The following LRFN5 variants were observed in gnomAD, a reference collection of about 807,000 sequenced individuals.
LRFN5 encodes leucine-rich repeat and fibronectin type-III domain-containing protein 5.
A neutral mutation model predicts 45.6 loss-of-function variants in LRFN5; 24 were observed. The observed-to-expected ratio is 0.53, with a 90% CI of 0.38 to 0.74. LRFN5 has a LOEUF of 0.74. Among genes scored for constraint, LRFN5 ranks in the 30% least tolerant of loss-of-function variants. The probability of loss-of-function intolerance (pLI) is 0.00; values close to 1 mark genes in which losing one functional copy is unlikely to be tolerated. For missense variants in LRFN5, 776 were observed against 861.5 expected, an observed-to-expected ratio of 0.90 and a Z score of 1.24; for synonymous variants, 340 against 313.8, an observed-to-expected ratio of 1.08 and a Z score of -0.88.
chr14:41,749,317 A>G (rs892692991), intron 1 of LRFN5, among the ~76,000 whole-genome samples: 7 of 152,336 alleles, frequency 4.6e-5, no homozygotes, highest in Non-Finnish European at 8.8e-5. Flanking sequence ...GTATTAATGC[A>G]TGCCAGAGGT....
intron 2 of LRFN5, among the ~76,000 whole-genome samples, chr14:41,839,814 G>A (rs1198889889): frequency 2.0e-5 from 3 of 152,056 alleles, no homozygotes; most frequent in Non-Finnish European, 4.4e-5. Context: ...CCTGGCTTTA[G>A]CTAATTCAAT....
chr14:41,710,944 C>CT (rs1277764409), intron 1 of LRFN5, among the ~76,000 whole-genome samples: 1 of 152,068 alleles, frequency 6.6e-6, no homozygotes, highest in Admixed American at 6.6e-5. Flanking sequence ...ATGAACTCAT[C>CT]TTTTTTTATG....
intron 1 of LRFN5, among the ~76,000 whole-genome samples, chr14:41,642,263 G>C (rs554535505): frequency 8.5e-5 from 13 of 152,058 alleles, no homozygotes; most frequent in Non-Finnish European, 1.6e-4. Flanking sequence ...AGTACAATCT[G>C]GCTAGTGCAC....
intron 1 of LRFN5, among the ~76,000 whole-genome samples, chr14:41,677,404 C>G (rs750078523): frequency 1.3e-5 from 2 of 151,966 alleles, no homozygotes; most frequent in African/African-American, 4.8e-5. Context: ...GCAGTAGAAA[C>G]TTCCTCTGAA....
At chr14:41,617,412 A>G (rs1176024881) in intron 1 of LRFN5, among the ~76,000 whole-genome samples, 2 of 152,144 alleles carry the variant, frequency 1.3e-5, no homozygotes, top group Non-Finnish European at 2.9e-5. Context: ...TTTTGGTTCT[A>G]AAGAGGATGC....
chr14:41,789,130 A>G (rs1297326208), intron 2 of LRFN5, among the ~76,000 whole-genome samples: 1 of 152,018 alleles, frequency 6.6e-6, no homozygotes, highest in Admixed American at 6.6e-5. Context: ...CATTTAATTT[A>G]TAGCTCATAT....
intron 1 of LRFN5, among the ~76,000 whole-genome samples, chr14:41,721,384 T>G (rs895858826): frequency 1.3e-5 from 2 of 152,164 alleles, no homozygotes; most frequent in Admixed American, 1.3e-4. Flanking sequence ...AGGTTAATAT[T>G]GATATGTGAG....
At chr14:41,651,643 A>G (rs1005629986) in intron 1 of LRFN5, among the ~76,000 whole-genome samples, 3 of 152,190 alleles carry the variant, frequency 2.0e-5, no homozygotes, top group African/African-American at 7.2e-5. Context: ...ACTAATGTGA[A>G]TCTTAACACT....
chr14:41,813,944 G>A (rs565875521), intron 2 of LRFN5, among the ~76,000 whole-genome samples: 2 of 152,180 alleles, frequency 1.3e-5, no homozygotes, highest in South Asian at 2.1e-4. Flanking sequence ...ATATTTGCTG[G>A]CCACATAAAT....
intron 4 of LRFN5, chr14:41,892,613 C>G (rs1479652313): frequency 1.0e-6 from 1 of 982,700 alleles, no homozygotes; most frequent in East Asian, 1.1e-4. Flanking sequence ...TTGTAGAGAA[C>G]AACTTCATGT....
At chr14:41,869,370 G>A (rs1347202207) in intron 2 of LRFN5, among the ~76,000 whole-genome samples, 2 of 151,284 alleles carry the variant, frequency 1.3e-5, no homozygotes, top group African/African-American at 2.4e-5. Flanking sequence ...TACCTCTATG[G>A]CATCTTACGT....
chr14:41,678,352 G>C (rs1342329525), intron 1 of LRFN5, among the ~76,000 whole-genome samples: 1 of 151,816 alleles, frequency 6.6e-6, no homozygotes, highest in Non-Finnish European at 1.5e-5. Context: ...TCTCAAATTT[G>C]ATTAAAATAT....
At chr14:41,735,812 G>T (rs1884406079) in intron 1 of LRFN5, among the ~76,000 whole-genome samples, 1 of 151,846 alleles carries the variant, frequency 6.6e-6, no homozygotes, top group African/African-American at 2.4e-5. Context: ...GTGTCCATGT[G>T]TTCTCATTGT....
At chr14:41,656,408 A>G (rs1880383318) in intron 1 of LRFN5, among the ~76,000 whole-genome samples, 1 of 151,988 alleles carries the variant, frequency 6.6e-6, no homozygotes, top group Non-Finnish European at 1.5e-5. Flanking sequence ...CTTGTTTGGT[A>G]GTATTTGAAT....
chr14:41,728,616 A>G (rs1282202438), intron 1 of LRFN5, among the ~76,000 whole-genome samples: 2 of 152,212 alleles, frequency 1.3e-5, no homozygotes, highest in Non-Finnish European at 2.9e-5. Flanking sequence ...ATTAGAATCT[A>G]TTCAATTCAT....
intron 1 of LRFN5, among the ~76,000 whole-genome samples, chr14:41,744,164 G>A (rs1884822629): frequency 6.6e-6 from 1 of 152,000 alleles, no homozygotes; most frequent in Non-Finnish European, 1.5e-5. Flanking sequence ...GACCAACCAA[G>A]GCAACATGGC....
At chr14:41,681,796 T>TTTA (rs1555354117) in intron 1 of LRFN5, among the ~76,000 whole-genome samples, 1,072 of 98,894 alleles carry the variant, frequency 0.011, 20 homozygotes, top group South Asian at 0.1. Flanking sequence ...TTTTATTTTA[T>TTTA]TTTATTTATT....
intron 2 of LRFN5, among the ~76,000 whole-genome samples, chr14:41,885,258 GAGACTGCAGTGAGCCATGATCACACCAC>G (rs1049493562): frequency 2.7e-5 from 4 of 150,658 alleles, no homozygotes; most frequent in African/African-American, 9.8e-5. Context: ...TGAGGAGGTC[GAGACTGCAGTGAGCCATGATCACACCAC>G]TGCACTGCAC....
Position 41,844,779 on chromosome 14 carries a change from A to T in LRFN5, c.-20-41827A>T, listed in dbSNP as rs1889001118. Among the ~76,000 whole-genome samples, 2 of 152,174 alleles carry T rather than the reference A, an allele frequency of 1.3e-5. 1 individual carries two copies. The highest frequency in any genetic ancestry group is 4.1e-4 in the South Asian group (2 of 4,832). ...CAGAATTTCACAGTTATCTCTTTGC[A>T]AGAAAATTCAAGCCAGAACAAGAAT... On this transcript the variant is annotated intron_variant, in intron 2 of 5. Coordinates refer to ENST00000298119, the MANE Select transcript of LRFN5 (RefSeq NM_152447.5).
Sources: gnomAD v4.1 joint callset for allele counts (sites outside exome capture counted in the v4.1 genomes callset) on GRCh38, gnomAD v4.1.1 for gene constraint, MANE v1.5 for transcripts, NCBI Gene and HGNC (gene_info 2026-07-23, HGNC 2026-07-21) for gene names.